Variants in PKIB observed in about 807,000 individuals in gnomAD.
The protein encoded by PKIB is PKI-beta.
A neutral mutation model predicts 4.5 loss-of-function variants in PKIB; 2 were observed. The ratio of observed to expected loss-of-function variants is 0.44; its 90% confidence interval spans 0.18 to 1.39. The LOEUF (loss-of-function observed/expected upper bound fraction) is 1.39. Among genes scored for constraint, PKIB ranks in the 40% most tolerant of loss-of-function variants. PKIB has a pLI of 0.27. For synonymous variants in PKIB, 38 were observed against 36.0 expected (o/e 1.06, Z -0.20); for missense variants, 94 against 92.6 (o/e 1.02, Z -0.06).
chr6:122,552,914 C>T (rs1772721307), intron 2 of PKIB, among the ~76,000 whole-genome samples: 1 of 152,088 alleles, frequency 6.6e-6, no homozygotes, highest in Non-Finnish European at 1.5e-5. Context: ...CATCTTTGGG[C>T]TCTAGCTCAT....
chr6:122,704,730 G>C (rs1466511930), intron 3 of PKIB, among the ~76,000 whole-genome samples: 1 of 151,010 alleles, frequency 6.6e-6, no homozygotes, highest in African/African-American at 2.4e-5. Context: ...AATAATAACT[G>C]TGTGTGTGTG....
chr6:122,713,782 T>C (rs1779364476), intron 3 of PKIB, among the ~76,000 whole-genome samples: 2 of 152,208 alleles, frequency 1.3e-5, no homozygotes, highest in African/African-American at 4.8e-5. Flanking sequence ...TGAAAATATG[T>C]AAAGAGGTAG....
At chr6:122,564,979 G>A (rs1228888450) in intron 2 of PKIB, among the ~76,000 whole-genome samples, 1 of 152,150 alleles carries the variant, frequency 6.6e-6, no homozygotes, top group Non-Finnish European at 1.5e-5. Context: ...AGACCATGTT[G>A]AGCATAGTCT....
exon 3 of PKIB, chr6:122,585,937 A>C (rs1464328409): frequency 6.6e-6 from 1 of 152,084 alleles, no homozygotes; most frequent in Non-Finnish European, 1.5e-5. Flanking sequence ...CTTTCGTTTA[A>C]AGATGACACA....
chr6:122,607,313 A>AAAAACAAAAC (rs559171249), upstream of PKIB, among the ~76,000 whole-genome samples: 4 of 151,936 alleles, frequency 2.6e-5, no homozygotes, highest in Non-Finnish European at 5.9e-5. Flanking sequence ...GTCTCTACAA[A>AAAAACAAAAC]AAAACAAAAC....
At chr6:122,501,481 G>A (rs778256509) in intron 2 of PKIB, among the ~76,000 whole-genome samples, 16 of 152,130 alleles carry the variant, frequency 1.1e-4, no homozygotes, top group Non-Finnish European at 2.4e-4. Flanking sequence ...CTTTCCTTCT[G>A]TGCACCCTCA....
intron 2 of PKIB, among the ~76,000 whole-genome samples, chr6:122,533,749 A>G (rs2114621871): frequency 6.6e-6 from 1 of 152,308 alleles, no homozygotes; most frequent in East Asian, 1.9e-4. Flanking sequence ...TTGCCTGATT[A>G]TATTCAGATA....
intron 2 of PKIB, among the ~76,000 whole-genome samples, chr6:122,566,117 G>C (rs1773182895): frequency 6.6e-6 from 1 of 151,754 alleles, no homozygotes. Flanking sequence ...GCCCAATCCT[G>C]TGCTAATCAT....
At chr6:122,495,817 G>A (rs1776062716) in intron 2 of PKIB, among the ~76,000 whole-genome samples, 1 of 152,120 alleles carries the variant, frequency 6.6e-6, no homozygotes, top group African/African-American at 2.4e-5. Context: ...ATTATACCCT[G>A]AAACCACTTC....
At chr6:122,571,646 T>A (rs1041835096) in intron 2 of PKIB, among the ~76,000 whole-genome samples, 3 of 152,212 alleles carry the variant, frequency 2.0e-5, no homozygotes, top group African/African-American at 4.8e-5. Context: ...AAAACTAAGC[T>A]TCATAAATGG....
chr6:122,561,994 G>GTTTTTTT lies in PKIB; in HGVS notation c.-247-23924_-247-23918dup. Among the ~76,000 whole-genome samples, 227 of 40,846 alleles carry GTTTTTTT rather than the reference G, an allele frequency of 5.6e-3. 21 individuals carry two copies. The highest frequency in any genetic ancestry group is 0.012 in the South Asian group (9 of 742). 26.8% of individuals were successfully genotyped at this position (40,846 alleles called of 152,430 possible). On this transcript the variant is annotated intron_variant, in intron 2 of 6. Transcript: ENST00000392491. ...GCATAGTTTTTTTTTGTTTGTTTTT[G>GTTTTTTT]TTTTTTTTTGTTTTTTTTTTTTTTT...
intron 1 of PKIB, among the ~76,000 whole-genome samples, chr6:122,612,150 A>G (rs1304498802): frequency 2.0e-5 from 3 of 152,180 alleles, no homozygotes; most frequent in African/African-American, 7.2e-5. Context: ...TAGATCAATG[A>G]TAGATCAATT....
At chr6:122,677,842 TCTTCCTTCCTTCCTTC>T (rs66707245) in intron 3 of PKIB, among the ~76,000 whole-genome samples, 3,460 of 141,192 alleles carry the variant, frequency 0.025, 90 homozygotes, top group East Asian at 0.074. Context: ...AGCTTTCTTT[TCTTCCTTCCTTCCTTC>T]CTTCCTTCCT....
At chr6:122,706,122 C>T (rs183295810) in intron 3 of PKIB, among the ~76,000 whole-genome samples, 104 of 152,236 alleles carry the variant, frequency 6.8e-4, no homozygotes, top group Middle Eastern at 6.8e-3. Flanking sequence ...GCTTAGTAAG[C>T]CTTTCATTCC....
At chr6:122,581,962 T>C (rs549106556) in intron 2 of PKIB, 1 of 152,224 alleles carries the variant, frequency 6.6e-6, no homozygotes, top group East Asian at 1.9e-4. Context: ...AGGTGTGGGA[T>C]ATGACATCAT....
chr6:122,611,518 A>G (rs529439088), intron 1 of PKIB, among the ~76,000 whole-genome samples: 1 of 152,340 alleles, frequency 6.6e-6, no homozygotes, highest in South Asian at 2.1e-4. Flanking sequence ...ACGTTCATCT[A>G]GAAAAAAAAT....
intron 1 of PKIB, among the ~76,000 whole-genome samples, chr6:122,617,944 A>T (rs1775064045): frequency 6.6e-6 from 1 of 152,146 alleles, no homozygotes. Context: ...TTTGTATCCT[A>T]CATTTCTTCC....
intron 2 of PKIB, among the ~76,000 whole-genome samples, chr6:122,580,519 G>C (rs1200214643): frequency 6.6e-6 from 1 of 151,910 alleles, no homozygotes; most frequent in Non-Finnish European, 1.5e-5. Flanking sequence ...AGATTAACTG[G>C]CTTTTTCCTT....
intron 2 of PKIB, among the ~76,000 whole-genome samples, chr6:122,543,955 A>AAT (rs1035364836): frequency 2.0e-5 from 3 of 151,932 alleles, no homozygotes; most frequent in Admixed American, 6.6e-5. Flanking sequence ...TTATATTGAT[A>AAT]ATATATATAT....
Sources: gnomAD v4.1 joint callset for allele counts (sites outside exome capture counted in the v4.1 genomes callset) on GRCh38, gnomAD v4.1.1 for gene constraint, MANE v1.5 for transcripts, NCBI Gene and HGNC (gene_info 2026-07-23, HGNC 2026-07-21) for gene names.